The following ERC2 variants were observed in gnomAD, a reference collection of about 807,000 sequenced individuals.
The protein encoded by ERC2 is ERC protein 2.
In ERC2, 42 loss-of-function variants were observed where a neutral mutation model predicts 114.8. The ratio of observed to expected loss-of-function variants is 0.37; its 90% confidence interval spans 0.29 to 0.47. The LOEUF (loss-of-function observed/expected upper bound fraction) is 0.47, where lower values mean the gene tolerates loss of function less well. ERC2 is among the 20% of genes least tolerant of loss of function. The pLI is 0.99. For missense variants in ERC2, 939 were observed against 1,150.7 expected (o/e 0.82, Z 2.66); for synonymous variants, 454 against 425.5 (o/e 1.07, Z -0.82).
rs186583259 is a variant in ERC2, at chr3:55,710,360, C to G, written c.2713-10848G>C. Among the ~76,000 whole-genome samples, 26 of 152,226 alleles carry G rather than the reference C, an allele frequency of 1.7e-4. 1 individual carries two copies. The highest frequency in any genetic ancestry group is 7.8e-4 in the Admixed American group (12 of 15,294). ...TCTTCTCCTGCGATAACTTACCCCC[C>G]CAAAGAAGAGGCAAAGTGGAAATTT... On this transcript the variant is annotated intron_variant, in intron 15 of 17. Coordinates refer to ENST00000288221, the MANE Select transcript of ERC2 (RefSeq NM_015576.3).
At chr3:55,883,924 A>AC (rs2063241275) in intron 14 of ERC2, among the ~76,000 whole-genome samples, 1 of 146,698 alleles carries the variant, frequency 6.8e-6, no homozygotes, top group Admixed American at 6.7e-5. Context: ...AACAACAACA[A>AC]CAACACCACA....
chr3:55,615,638 A>G (rs2059091735), intron 17 of ERC2, among the ~76,000 whole-genome samples: 1 of 152,238 alleles, frequency 6.6e-6, no homozygotes, highest in South Asian at 2.1e-4. Flanking sequence ...TAAAACTGTA[A>G]GGAGAAAAAA....
chr3:55,802,008 T>C (rs2071098165), intron 14 of ERC2, among the ~76,000 whole-genome samples: 1 of 152,192 alleles, frequency 6.6e-6, no homozygotes, highest in South Asian at 2.1e-4. Context: ...GGGACCACAC[T>C]CTGAGAACTA....
At chr3:55,941,308 C>T (rs1269304329) in intron 13 of ERC2, among the ~76,000 whole-genome samples, 1 of 152,146 alleles carries the variant, frequency 6.6e-6, no homozygotes, top group Non-Finnish European at 1.5e-5. Flanking sequence ...TGCCCTGATG[C>T]CCCTTCAGGA....
intron 4 of ERC2, among the ~76,000 whole-genome samples, chr3:56,164,444 T>C (rs999422015): frequency 1.8e-4 from 28 of 152,142 alleles, no homozygotes; most frequent in African/African-American, 6.5e-4. Context: ...TTTTTGTTGA[T>C]GAATAATATT....
intron 16 of ERC2, among the ~76,000 whole-genome samples, chr3:55,688,129 T>G (rs1338010197): frequency 6.6e-6 from 1 of 152,120 alleles, no homozygotes; most frequent in Admixed American, 6.6e-5. Flanking sequence ...GCAGGTAAGA[T>G]CCCCCGCCAA....
chr3:56,267,387 CACTT>C (rs2053381693), intron 3 of ERC2, among the ~76,000 whole-genome samples: 1 of 152,138 alleles, frequency 6.6e-6, no homozygotes, highest in South Asian at 2.1e-4. Context: ...TACATGATCT[CACTT>C]ACATGTGGAA....
At chr3:56,198,188 C>T (rs1421603228) in intron 3 of ERC2, among the ~76,000 whole-genome samples, 1 of 152,198 alleles carries the variant, frequency 6.6e-6, no homozygotes, top group African/African-American at 2.4e-5. Flanking sequence ...GCACCAGGTA[C>T]TGCTTTCTCA....
At chr3:55,807,297 T>A (rs536028871) in intron 14 of ERC2, among the ~76,000 whole-genome samples, 6 of 152,226 alleles carry the variant, frequency 3.9e-5, no homozygotes, top group Non-Finnish European at 8.8e-5. Flanking sequence ...TGTGAGACTA[T>A]GTTCGTGCCA....
chr3:55,847,480 T>C (rs1316870643), intron 14 of ERC2, among the ~76,000 whole-genome samples: 1 of 152,160 alleles, frequency 6.6e-6, no homozygotes, highest in South Asian at 2.1e-4. Flanking sequence ...CAGGGAGTAG[T>C]TGAATAAATC....
chr3:55,666,875 T>C (rs1196146224), intron 17 of ERC2, among the ~76,000 whole-genome samples: 1 of 152,134 alleles, frequency 6.6e-6, no homozygotes, highest in Admixed American at 6.6e-5. Context: ...GTAAACTCTC[T>C]AGGGTCCAGT....
At chr3:56,365,445 G>A (rs144304455) in intron 2 of ERC2, among the ~76,000 whole-genome samples, 147 of 152,288 alleles carry the variant, frequency 9.7e-4, no homozygotes, top group South Asian at 5.6e-3. Context: ...ACTCGACAAC[G>A]TTTGCACAAT....
chr3:56,179,936 C>G (rs2083199906), intron 3 of ERC2, among the ~76,000 whole-genome samples: 1 of 152,002 alleles, frequency 6.6e-6, no homozygotes, highest in South Asian at 2.1e-4. Context: ...ATGAATCAAC[C>G]AGGGACTGAG....
Position 55,675,894 on chromosome 3 carries a change from CTTTTCTTTCTTTTTTTTTTTTTTTTTT to C in ERC2, c.*39+7873_*39+7899del, listed in dbSNP as rs1249214226. Among the ~76,000 whole-genome samples the C allele has an allele frequency of 1.1e-4, 8 of 70,508 alleles. No individual in the cohort carries two copies. The East Asian group carries it at 1.4e-3, about 12-fold the overall frequency. The allele number at this position is 70,508 out of a possible 152,430, so 46.3% of individuals were successfully genotyped here. A position where few individuals can be genotyped will look rare whatever the true frequency, so the allele number is the denominator to read the frequency against. ...AAAAACCCTTTCCATCTTTCTTTCT[CTTTTCTTTCTTTTTTTTTTTTTTTTTT>C]TTTTTTTTTTTTTTTTGAGAGAGAG... On this transcript the variant is annotated intron_variant, in intron 17 of 17. Transcript: ENST00000288221.
At chr3:55,623,981 T>G (rs1403232009) in intron 17 of ERC2, among the ~76,000 whole-genome samples, 1 of 152,210 alleles carries the variant, frequency 6.6e-6, no homozygotes, top group African/African-American at 2.4e-5. Flanking sequence ...TCTTGCTTCA[T>G]GTATGATTGC....
At chr3:55,796,033 G>A (rs1165081768) in intron 14 of ERC2, among the ~76,000 whole-genome samples, 1 of 152,172 alleles carries the variant, frequency 6.6e-6, no homozygotes, top group Non-Finnish European at 1.5e-5. Flanking sequence ...GGCTCCAAGT[G>A]AGACAGAATT....
intron 12 of ERC2, among the ~76,000 whole-genome samples, chr3:55,961,821 G>A (rs1285690467): frequency 6.9e-6 from 1 of 144,160 alleles, no homozygotes; most frequent in Non-Finnish European, 1.5e-5. Flanking sequence ...TAAAATGATT[G>A]TCAGTTCCTC....
rs1002756872 is a variant in ERC2 at position 55,590,534 on chromosome 3, C to T, written c.*40-79258G>A. On this transcript the variant is annotated intron_variant, in intron 17 of 17. Coordinates refer to ENST00000288221, the MANE Select transcript of ERC2 (RefSeq NM_015576.3). ...ACATAACTGAATAAATATGATTTTT[C>T]CATAGAATGGATGCTGCATTAGAGA... is the stretch of plus-strand genomic sequence containing the variant. 2.3e-4 allele frequency among the ~76,000 whole-genome samples: 35 copies of T among 152,264 alleles called. 1 individual carries two copies. The highest frequency in any genetic ancestry group is 7.7e-4 in the African/African-American group (32 of 41,556).
At chr3:56,439,077 CA>C (rs2062164066) in intron 1 of ERC2, among the ~76,000 whole-genome samples, 1 of 152,126 alleles carries the variant, frequency 6.6e-6, no homozygotes, top group African/African-American at 2.4e-5. Flanking sequence ...TTCCATTTTT[CA>C]TATGTTCTGG....
Sources: allele counts gnomAD v4.1 joint callset (sites outside exome capture counted in the v4.1 genomes callset), GRCh38; gene constraint gnomAD v4.1.1; transcripts MANE v1.5; gene names NCBI Gene and HGNC (gene_info 2026-07-23, HGNC 2026-07-21).